Variants in PCDHGA10 observed in about 807,000 individuals in gnomAD.
PCDHGA10 encodes the protein protocadherin gamma subfamily A, 10.
PCDHGA10 carries 42 observed loss-of-function variants against 59.5 expected under a neutral mutation model. That is an observed-to-expected ratio of 0.71 (90% CI 0.55 to 0.91). The LOEUF (loss-of-function observed/expected upper bound fraction) is 0.91. Ranked by LOEUF, PCDHGA10 falls within the 40% of genes least tolerant of loss-of-function variation. The pLI, the probability that PCDHGA10 is intolerant of heterozygous loss-of-function variation, is 0.00. For missense variants in PCDHGA10, 1,111 were observed against 1,198.2 expected (o/e 0.93, Z 1.07); for synonymous variants, 511 against 517.2 (o/e 0.99, Z 0.16).
At chr5:141,481,656 A>G (rs1425280340) in intron 1 of PCDHGA10, among the ~76,000 whole-genome samples, 1 of 152,084 alleles carries the variant, frequency 6.6e-6, no homozygotes, top group Non-Finnish European at 1.5e-5. Context: ...CATCTCTACT[A>G]ATAATACAAA....
At chr5:141,502,697 T>C (rs893610041) in intron 2 of PCDHGA10, among the ~76,000 whole-genome samples, 13 of 152,208 alleles carry the variant, frequency 8.5e-5, no homozygotes, top group African/African-American at 3.1e-4. Context: ...CTTGCCTGTA[T>C]CTGTTTTTAC....
In PCDHGA10 at chr5:141,485,037, C is replaced by T. The variant is rs2099605532; in HGVS notation, c.2437-9770C>T. 1.0e-5 allele frequency: 7 copies of T among 702,746 alleles called. No individual in the cohort carries two copies. Among genetic ancestry groups the T allele is most frequent in the Non-Finnish European group, 1.5e-5 (6 of 402,836 alleles). 43.5% of individuals were successfully genotyped at this position (702,746 alleles called of 1,614,324 possible). A position where few individuals can be genotyped will look rare whatever the true frequency, so the allele number is the denominator to read the frequency against. ...GCCACCAGCAAAAACGGCGCGTAAC[C>T]CTTGCGGCGCCGGCCGAACCGCGCC... is the stretch of plus-strand genomic sequence containing the variant. On this transcript the variant is annotated intron_variant, in intron 1 of 3. Transcript: ENST00000398610. The surrounding 1 kb of genome is among the most constrained non-coding windows in gnomAD (Gnocchi z 5.7).
Position 141,497,143 on chromosome 5 carries a change from G to GA in PCDHGA10, c.2495+2287dup, listed in dbSNP as rs928640875. ...AGAGGTTGCAGTGAGCTGAGATCAC[G>GA]AAAAAAAAATAATCTAGCCACAAAT... On this transcript the variant is annotated intron_variant, in intron 2 of 3. Coordinates refer to ENST00000398610, the MANE Select transcript of PCDHGA10 (RefSeq NM_018913.3). 1.3e-3 allele frequency among the ~76,000 whole-genome samples: 194 copies of GA among 150,104 alleles called. 4 individuals are homozygous for GA. The highest frequency in any genetic ancestry group is 7.6e-3 in the Admixed American group (115 of 15,100).
chr5:141,425,248 G>T (rs954872490), intron 1 of PCDHGA10, among the ~76,000 whole-genome samples: 2 of 152,178 alleles, frequency 1.3e-5, no homozygotes, highest in Admixed American at 1.3e-4. Context: ...AAAAGGATAT[G>T]AGGTATTTGG....
intron 1 of PCDHGA10, chr5:141,478,076 C>A: frequency 6.2e-7 from 1 of 1,614,106 alleles, no homozygotes. Context: ...CAATGGGGAG[C>A]CTTCGCTCTC....
intron 1 of PCDHGA10, chr5:141,441,260 A>G (rs1217151195): frequency 1.3e-5 from 2 of 152,222 alleles, no homozygotes; most frequent in Non-Finnish European, 2.9e-5. Context: ...AAATCACAAG[A>G]TCTGGATTCG....
In PCDHGA10 at chr5:141,477,073, G is replaced by A. The variant is rs755445666; in HGVS notation, c.2437-17734G>A. The A allele has an allele frequency of 1.2e-6, 2 of 1,614,264 alleles. No homozygotes were observed. The highest frequency in any genetic ancestry group is 2.2e-5 in the East Asian group (1 of 44,882). On this transcript the variant is annotated intron_variant, in intron 1 of 3. Coordinates refer to ENST00000398610, the MANE Select transcript of PCDHGA10 (RefSeq NM_018913.3). This position sits in a 1 kb window ranked among gnomAD's most constrained non-coding sequence, Gnocchi z 4.9. ...ACTTCGAGGACACCAAACTCCATGA[G>A]ATTTACATCCAGGCCAAAGACAAGG...
intron 2 of PCDHGA10, among the ~76,000 whole-genome samples, chr5:141,502,048 ACTTTATTCC>A (rs1055762924): frequency 6.6e-5 from 10 of 151,746 alleles, no homozygotes; most frequent in African/African-American, 2.4e-4. Context: ...TGCTCTCCCT[ACTTTATTCC>A]CATTAGCCCC....
chr5:141,474,500 C>G (rs183956979), intron 1 of PCDHGA10, among the ~76,000 whole-genome samples: 31 of 152,324 alleles, frequency 2.0e-4, no homozygotes, highest in African/African-American at 6.3e-4. Context: ...CTTCTAATGC[C>G]TATCAGCCCT....
At position 141,485,464 on chromosome 5, in the gene PCDHGA10, G is replaced by A. The variant is rs2099614016; in HGVS notation, c.2437-9343G>A. ...CAATCGACCGAGAGGCACTGTGTGG[G>A]CTCAGTGCCAGCTGCATCGTGCCCC... is the stretch of plus-strand genomic sequence containing the variant. On this transcript the variant is annotated intron_variant, in intron 1 of 3. Coordinates refer to ENST00000398610, the MANE Select transcript of PCDHGA10 (RefSeq NM_018913.3). The surrounding 1 kb of genome is among the most constrained non-coding windows in gnomAD (Gnocchi z 5.7). 6.2e-7 allele frequency: 1 copy of A among 1,614,106 alleles called. No homozygotes were observed. The highest frequency in any genetic ancestry group is 8.5e-7 in the Non-Finnish European group (1 of 1,179,958).
At chr5:141,507,003 G>A (rs569257489) in intron 3 of PCDHGA10, 3 of 152,342 alleles carry the variant, frequency 2.0e-5, no homozygotes, top group African/African-American at 7.2e-5. Context: ...CGACAGATGA[G>A]AGAACCGAGA....
intron 1 of PCDHGA10, among the ~76,000 whole-genome samples, chr5:141,480,513 C>T (rs1376669385): frequency 7.9e-6 from 1 of 127,246 alleles, no homozygotes. Context: ...ATGAGAACAA[C>T]CAAAAATGAC....
At chr5:141,439,727 C>G (rs940325016) in intron 1 of PCDHGA10, 2 of 152,406 alleles carry the variant, frequency 1.3e-5, no homozygotes, top group Non-Finnish European at 2.9e-5. Context: ...AAATTATAAG[C>G]AGGAACGGAA....
chr5:141,453,288 A>ATTAT (rs577328880), intron 1 of PCDHGA10, among the ~76,000 whole-genome samples: 1,792 of 151,444 alleles, frequency 0.012, 41 homozygotes, highest in African/African-American at 0.034. Context: ...TAATTTTTTA[A>ATTAT]TTATTTATTT....
intron 2 of PCDHGA10, among the ~76,000 whole-genome samples, chr5:141,500,939 G>T (rs2099804123): frequency 6.6e-6 from 1 of 151,680 alleles, no homozygotes; most frequent in South Asian, 2.1e-4. Context: ...CGCCATCTCG[G>T]CTCACTGCAA....
chr5:141,466,674 T>C (rs2099127051), intron 1 of PCDHGA10, among the ~76,000 whole-genome samples: 1 of 152,222 alleles, frequency 6.6e-6, no homozygotes, highest in South Asian at 2.1e-4. Flanking sequence ...TTCACCGTTC[T>C]TCCACTCAAG....
Position 141,476,838 on chromosome 5 carries a change from C to T in PCDHGA10, c.2437-17969C>T, listed in dbSNP as rs1347278637. 2.5e-6 allele frequency: 4 copies of T among 1,613,496 alleles called. No individual in the cohort carries two copies. Among genetic ancestry groups the T allele is most frequent in the Non-Finnish European group, 3.4e-6 (4 of 1,180,054 alleles). ...AAGGTGCTGGACGCGAATGACAATG[C>T]GCCTGTCTTCAACCAGTCCTTGTAC... On this transcript the variant is annotated intron_variant, in intron 1 of 3. Transcript: ENST00000398610. This position sits in a 1 kb window ranked among gnomAD's most constrained non-coding sequence, Gnocchi z 7.6.
chr5:141,438,627 T>TATAC (rs2098031123), intron 1 of PCDHGA10, among the ~76,000 whole-genome samples: 4 of 48,012 alleles, frequency 8.3e-5, no homozygotes, highest in Admixed American at 6.2e-4. Flanking sequence ...TATATATATA[T>TATAC]ATATATATAC....
chr5:141,428,858 GACT>G (rs1348026268), intron 1 of PCDHGA10: 1 of 139,194 alleles, frequency 7.2e-6, no homozygotes, highest in African/African-American at 3.0e-5. Flanking sequence ...TTTTACGGGA[GACT>G]TTTTTTTTTT....
Sources: gnomAD v4.1 joint callset for allele counts (sites outside exome capture counted in the v4.1 genomes callset) on GRCh38, gnomAD v4.1.1 for gene constraint, Gnocchi (gnomAD v3.1) non-coding constraint, MANE v1.5 for transcripts, NCBI Gene and HGNC (gene_info 2026-07-23, HGNC 2026-07-21) for gene names.